Variants in GRM8 observed in about 807,000 individuals in gnomAD.
GRM8 encodes the protein metabotropic glutamate receptor 8.
Under a neutral mutation model 87.2 loss-of-function variants are expected in GRM8, and 47 were observed. That is an observed-to-expected ratio of 0.54 (90% confidence interval 0.43 to 0.69). The LOEUF (loss-of-function observed/expected upper bound fraction) is 0.69, where lower values mean the gene tolerates loss of function less well. Among genes scored for constraint, GRM8 ranks in the 30% least tolerant of loss-of-function variants. GRM8 has a pLI of 0.00. For missense variants in GRM8, 1,019 were observed against 1,139.2 expected, an observed-to-expected ratio of 0.89 and a Z score of 1.52; for synonymous variants, 396 against 404.5, an observed-to-expected ratio of 0.98 and a Z score of 0.25.
At chr7:126,965,167 G>A (rs1333871028) in intron 3 of GRM8, among the ~76,000 whole-genome samples, 2 of 152,012 alleles carry the variant, frequency 1.3e-5, no homozygotes, top group South Asian at 2.1e-4. Context: ...CAGGCGGTTG[G>A]GGGGTCAGAG....
intron 9 of GRM8, 33 bp downstream of exon 9, chr7:126,532,918 GA>G: frequency 7.7e-7 from 1 of 1,305,716 alleles, no homozygotes; most frequent in Non-Finnish European, 1.1e-6. Flanking sequence ...TTAAATCCAG[GA>G]AAAAGTTGTC....
intron 9 of GRM8, among the ~76,000 whole-genome samples, chr7:126,469,653 A>T (rs1288285355): frequency 1.3e-5 from 2 of 152,130 alleles, no homozygotes; most frequent in Non-Finnish European, 2.9e-5. Context: ...CATGTGAAGA[A>T]GGATGTGTTT....
At chr7:127,250,995 C>T (rs765926482) in intron 1 of GRM8, 1 of 152,230 alleles carries the variant, frequency 6.6e-6, no homozygotes, top group African/African-American at 2.4e-5. Context: ...TGTATTCAAT[C>T]GCGGTAGTAG....
intron 6 of GRM8, among the ~76,000 whole-genome samples, chr7:126,808,810 T>C (rs1793021918): frequency 2.0e-5 from 3 of 152,232 alleles, no homozygotes; most frequent in South Asian, 2.1e-4. Flanking sequence ...CTATTCATTA[T>C]CAAATTGTGT....
intron 9 of GRM8, among the ~76,000 whole-genome samples, chr7:126,491,861 A>G (rs1808057165): frequency 6.6e-6 from 1 of 152,044 alleles, no homozygotes; most frequent in Non-Finnish European, 1.5e-5. Flanking sequence ...GAATATTTTA[A>G]TCATTCATAC....
intron 2 of GRM8, among the ~76,000 whole-genome samples, chr7:127,241,355 G>T (rs2116870183): frequency 6.6e-6 from 1 of 151,560 alleles, no homozygotes; most frequent in Non-Finnish European, 1.5e-5. Context: ...GTTCACATTT[G>T]TCACAATACC....
intron 6 of GRM8, among the ~76,000 whole-genome samples, chr7:126,899,735 T>G (rs1405489631): frequency 1.6e-5 from 1 of 62,356 alleles, no homozygotes; most frequent in Non-Finnish European, 3.2e-5. Flanking sequence ...TAGTTATCCC[T>G]TCTTTTTTTT....
chr7:127,122,597 T>C, intron 2 of GRM8, among the ~76,000 whole-genome samples: 1 of 152,238 alleles, frequency 6.6e-6, no homozygotes, highest in Admixed American at 6.5e-5. Context: ...CTTTAATTTT[T>C]TTTTAATTCT....
At chr7:126,770,718 A>G (rs1585864965) in intron 6 of GRM8, among the ~76,000 whole-genome samples, 2 of 152,114 alleles carry the variant, frequency 1.3e-5, no homozygotes, top group East Asian at 3.8e-4. Context: ...GCTCATTGGC[A>G]CTGGAGATTA....
chr7:126,688,176 T>C (rs17613247), intron 7 of GRM8, among the ~76,000 whole-genome samples: 18,201 of 152,214 alleles, frequency 0.12, 1,481 homozygotes, highest in Non-Finnish European at 0.15. Flanking sequence ...GGTTCTCTCA[T>C]ATACGTATGT....
chr7:126,846,100 T>C (rs1214108146), intron 6 of GRM8, among the ~76,000 whole-genome samples: 4 of 152,070 alleles, frequency 2.6e-5, no homozygotes, highest in Admixed American at 2.6e-4. Flanking sequence ...TATTTGGGGC[T>C]CAGTAAGATC....
chr7:126,780,342 G>GAGTTAGTAT (rs1767240964), intron 6 of GRM8, among the ~76,000 whole-genome samples: 1 of 152,146 alleles, frequency 6.6e-6, no homozygotes, highest in Non-Finnish European at 1.5e-5. Context: ...ATAATTAAAT[G>GAGTTAGTAT]AGTTAGTATA....
intron 6 of GRM8, among the ~76,000 whole-genome samples, chr7:126,775,479 GTTTTTTTT>G (rs372733476): frequency 0.38 from 39,218 of 104,424 alleles, 7,530 homozygotes; most frequent in Non-Finnish European, 0.45. Context: ...TGACAAATAG[GTTTTTTTT>G]TTTTTTTTTT....
chr7:126,947,791 A>T lies in GRM8; in HGVS notation c.728-43108T>A, dbSNP rs901037704. 3.3e-5 allele frequency among the ~76,000 whole-genome samples: 5 copies of T among 152,104 alleles called. No individual in the cohort carries two copies. In the East Asian group the frequency reaches 9.6e-4, roughly 29 times the overall value. On this transcript the variant is annotated intron_variant, in intron 3 of 10. Transcript: ENST00000339582. ...ACTCACTTCAAAAACTTGGACTAAC[A>T]TCAAGATTTTAGCCAGAAGCAAGCT... is the stretch of plus-strand genomic sequence containing the variant.
chr7:126,666,650 C>CA (rs1262942644), intron 7 of GRM8, among the ~76,000 whole-genome samples: 3 of 149,308 alleles, frequency 2.0e-5, no homozygotes, highest in Non-Finnish European at 3.0e-5. Flanking sequence ...GAGAACCATA[C>CA]AAAAAAATAA....
chr7:126,743,404 C>G (rs1815242802), intron 7 of GRM8, among the ~76,000 whole-genome samples: 1 of 152,032 alleles, frequency 6.6e-6, no homozygotes, highest in Non-Finnish European at 1.5e-5. Context: ...TAAAATGATC[C>G]ACTTTTCATA....
rs562925794 is a variant in GRM8, at chr7:127,042,765, G to A, written c.727+63731C>T. ...AACAAAAGCCAAAATTGACAAATGA[G>A]ATCTAATTAAACTAAAGCACTTCTG... On this transcript the variant is annotated intron_variant, in intron 3 of 10. Coordinates refer to ENST00000339582, the MANE Select transcript of GRM8 (RefSeq NM_000845.3). Among the ~76,000 whole-genome samples the A allele has an allele frequency of 3.9e-5, 6 of 152,282 alleles. No individual in the cohort carries two copies. In the South Asian group the frequency reaches 1.0e-3, roughly 26 times the overall value.
At chr7:126,498,245 A>T (rs757426866) in intron 9 of GRM8, among the ~76,000 whole-genome samples, 12 of 151,988 alleles carry the variant, frequency 7.9e-5, no homozygotes, top group Non-Finnish European at 5.9e-5. Flanking sequence ...TCTGATGTAT[A>T]TTTGTACCTA....
chr7:126,942,979 T>C (rs1365558679), intron 3 of GRM8, among the ~76,000 whole-genome samples: 1 of 152,178 alleles, frequency 6.6e-6, no homozygotes, highest in Non-Finnish European at 1.5e-5. Context: ...GCGGCACATA[T>C]GAATCACTTG....
Sources: gnomAD v4.1 joint callset for allele counts (sites outside exome capture counted in the v4.1 genomes callset) on GRCh38, gnomAD v4.1.1 for gene constraint, MANE v1.5 for transcripts, NCBI Gene and HGNC (gene_info 2026-07-23, HGNC 2026-07-21) for gene names.